Variants in PRR14L observed in about 807,000 individuals in gnomAD.
PRR14L encodes the protein proline rich 14 like.
In PRR14L, 80 loss-of-function variants were observed where a neutral mutation model predicts 155.0. The ratio of observed to expected loss-of-function variants is 0.52; its 90% confidence interval spans 0.43 to 0.62. The LOEUF (loss-of-function observed/expected upper bound fraction) is 0.62, where lower values mean the gene tolerates loss of function less well. Among genes scored for constraint, PRR14L ranks in the 20% least tolerant of loss-of-function variants. The pLI is 0.00. For synonymous variants in PRR14L, 883 were observed against 916.0 expected (o/e 0.96, Z 0.65); for missense variants, 2,469 against 2,548.0 (o/e 0.97, Z 0.67).
rs1401405519 is a variant in PRR14L at position 31,685,488 on chromosome 22, A to C, written c.*39T>G. On this transcript the variant is annotated 3_prime_UTR_variant, in exon 9 of 9. Transcript: ENST00000327423. ...AAAACCCAAAAACAAAACAAAACAA[A>C]AAAACCCTAAAATTGAGACCCTCAA... 6.8e-7 allele frequency: 1 copy of C among 1,481,472 alleles called. No homozygotes were observed. The highest frequency in any genetic ancestry group is 2.7e-5 in the Admixed American group (1 of 36,520). The allele number at this position is 1,481,472 out of a possible 1,614,324, so 91.8% of individuals were successfully genotyped here.
At chr22:31,711,459 G>A (rs2074621631) in intron 4 of PRR14L, among the ~76,000 whole-genome samples, 1 of 151,860 alleles carries the variant, frequency 6.6e-6, no homozygotes, top group South Asian at 2.1e-4. Flanking sequence ...TGACAAGAAT[G>A]AGACTGTTTC....
intron 1 of PRR14L, among the ~76,000 whole-genome samples, chr22:31,742,541 A>G (rs1168098841): frequency 6.6e-6 from 1 of 151,896 alleles, no homozygotes. Context: ...TAATTTTTGT[A>G]TTTTTAGTAG....
intron 3 of PRR14L, 122 bp downstream of exon 3, chr22:31,725,416 G>A: frequency 1.5e-6 from 1 of 676,682 alleles, no homozygotes; most frequent in Non-Finnish European, 2.6e-6. Context: ...AGTTTCTATA[G>A]TTAAGTACAC....
chr22:31,683,155 G>A lies in PRR14L; in HGVS notation c.*2372C>T, dbSNP rs917468679. 1.3e-5 allele frequency: 2 copies of A among 152,308 alleles called. No individual in the cohort carries two copies. Among genetic ancestry groups the A allele is most frequent in the African/African-American group, 4.8e-5 (2 of 41,456 alleles). The allele number at this position is 152,308 out of a possible 1,614,324, so 9.4% of individuals were successfully genotyped here. ...AAGGAGCCCAGCTCTGTTTCTTCCAGTCCTCTGCTCCCAGTTACCCATGTT... is the reference window on the plus strand; with the variant it reads ...AAGGAGCCCAGCTCTGTTTCTTCCAATCCTCTGCTCCCAGTTACCCATGTT... On this transcript the variant is annotated 3_prime_UTR_variant, in exon 9 of 9. Transcript: ENST00000327423.
At position 31,716,097 on chromosome 22, in the gene PRR14L, A is replaced by G; in HGVS notation, c.1742T>C (p.Ile581Thr). The change falls in exon 4 of 9, where the codon ATA becomes ACA. Residue 581 changes from isoleucine to threonine, a missense_variant. By Grantham distance (89) the Ile-to-Thr change is moderately conservative. This residue lies in a region of PRR14L where 2,363 missense variants were observed against 2,371.6 expected (regional missense o/e 1.00). Coordinates refer to ENST00000327423, the MANE Select transcript of PRR14L (RefSeq NM_173566.3). ...SIVSLMPEDQ[I>T]SPVSEVLKPK... Reference sequence around the variant, plus strand: ...TTTTAATACCTCACTTACAGGACTTATTTGATCCTCTGGCATTAAACTCAC... The same window carrying G: ...TTTTAATACCTCACTTACAGGACTTGTTTGATCCTCTGGCATTAAACTCAC... 1 of 1,551,174 alleles carries G rather than the reference A, an allele frequency of 6.4e-7. No individual in the cohort carries two copies. The highest frequency in any genetic ancestry group is 8.7e-7 in the Non-Finnish European group (1 of 1,146,900).
chr22:31,745,106 T>G (rs978353022), intron 1 of PRR14L, among the ~76,000 whole-genome samples: 26 of 152,154 alleles, frequency 1.7e-4, no homozygotes, highest in Non-Finnish European at 3.1e-4. Context: ...GGCCGGGTGC[T>G]TTGGCTCACG....
chr22:31,749,684 T>C lies in PRR14L; in HGVS notation c.-52+309A>G, dbSNP rs916938496. On this transcript the variant is annotated intron_variant, in intron 1 of 8. Transcript: ENST00000327423. ...GCTAAGAAAGAGCGTACGCCTCCGA[T>C]AAGGGGCGTCGTCCTCTCCGAGGAG... Among the ~76,000 whole-genome samples, 4 of 152,182 alleles carry C rather than the reference T, an allele frequency of 2.6e-5. 1 individual carries two copies. The highest frequency in any genetic ancestry group is 5.9e-5 in the Non-Finnish European group (4 of 68,026).
chr22:31,742,127 C>A (rs1010884106), intron 1 of PRR14L, among the ~76,000 whole-genome samples: 1 of 152,136 alleles, frequency 6.6e-6, no homozygotes, highest in African/African-American at 2.4e-5. Context: ...CAGTTTTCAC[C>A]TGTCACAGCA....
intron 3 of PRR14L, among the ~76,000 whole-genome samples, chr22:31,725,163 G>A (rs985290952): frequency 6.6e-6 from 1 of 152,196 alleles, no homozygotes; most frequent in Non-Finnish European, 1.5e-5. Flanking sequence ...GTGGGGCAGA[G>A]GCAGGAGGAT....
At chr22:31,737,052 A>C (rs2147875320) in intron 2 of PRR14L, among the ~76,000 whole-genome samples, 1 of 151,050 alleles carries the variant, frequency 6.6e-6, no homozygotes, top group East Asian at 1.9e-4. Flanking sequence ...AAAAAAAAAA[A>C]AAAAAGGAGA....
Position 31,714,180 on chromosome 22 carries a change from T to A in PRR14L, c.3659A>T (p.Glu1220Val). 1 of 1,551,632 alleles carries A rather than the reference T, an allele frequency of 6.4e-7. No individual in the cohort carries two copies. Among genetic ancestry groups the A allele is most frequent in the Non-Finnish European group, 8.7e-7 (1 of 1,146,958 alleles). The change falls in exon 4 of 9, where the codon GAG becomes GTG. Residue 1220 changes from glutamate (E) to valine (V), a missense_variant. By Grantham distance (121) the Glu-to-Val change is moderately radical. Coordinates refer to ENST00000327423, the MANE Select transcript of PRR14L (RefSeq NM_173566.3). ...KESTFGISSK[E>V]SMSCHDESSV... ...GCTTTCATCATGGCAAGACATCGAC[T>A]CTTTTGAGGAAATTCCAAAGGTACT...
At chr22:31,729,522 A>G (rs1446831182) in intron 2 of PRR14L, among the ~76,000 whole-genome samples, 1 of 152,182 alleles carries the variant, frequency 6.6e-6, no homozygotes, top group Non-Finnish European at 1.5e-5. Flanking sequence ...CGGCCTAGTT[A>G]CAAGTTTTAA....
chr22:31,704,431 CTTT>C (rs536307233), intron 5 of PRR14L: 3 of 334,180 alleles, frequency 9.0e-6, no homozygotes, highest in Non-Finnish European at 1.7e-5. Flanking sequence ...GTGATTTTCA[CTTT>C]TTTTTTTTTA....
chr22:31,736,139 A>G (rs888281949), intron 2 of PRR14L, among the ~76,000 whole-genome samples: 5 of 151,380 alleles, frequency 3.3e-5, no homozygotes, highest in African/African-American at 1.2e-4. Context: ...GAATGGCGTG[A>G]ACCTGGGAGG....
intron 3 of PRR14L, among the ~76,000 whole-genome samples, chr22:31,723,300 A>G (rs1443077036): frequency 6.6e-6 from 1 of 152,248 alleles, no homozygotes; most frequent in Admixed American, 6.5e-5. Flanking sequence ...AGAGTAATTT[A>G]GCTGCAGATA....
In PRR14L at chr22:31,712,477, T is replaced by C. The variant is rs1458787020; in HGVS notation, c.5362A>G (p.Thr1788Ala). The change falls in exon 4 of 9, where the codon ACC (threonine) becomes GCC (alanine). Residue 1788 changes from threonine (T) to alanine (A), a missense_variant. This residue lies in a region of PRR14L where 2,363 missense variants were observed against 2,371.6 expected (regional missense o/e 1.00). Transcript: ENST00000327423. ...GGCTGGGGAGGAGCCTGAGTGTGGG[T>C]CTGACTATGGACGCCAGTGTCTTCC... Reference protein sequence around the residue: ...FREDTGVHSQTHTQAPPQPPA... With the variant: ...FREDTGVHSQAHTQAPPQPPA... 1 of 1,552,854 alleles carries C rather than the reference T, an allele frequency of 6.4e-7. No individual in the cohort carries two copies. Among genetic ancestry groups the C allele is most frequent in the Admixed American group, 2.0e-5 (1 of 51,042 alleles).
intron 4 of PRR14L, among the ~76,000 whole-genome samples, chr22:31,708,063 C>T (rs8138463): frequency 6.6e-6 from 1 of 151,850 alleles, no homozygotes; most frequent in African/African-American, 2.4e-5. Flanking sequence ...GTGGGAGAAT[C>T]GCTTGAACCT....
intron 3 of PRR14L, among the ~76,000 whole-genome samples, chr22:31,718,830 T>C (rs952157393): frequency 8.2e-6 from 1 of 121,234 alleles, no homozygotes; most frequent in African/African-American, 3.7e-5. Context: ...TCCCAGCATT[T>C]TGGGAGGCCG....
Position 31,715,304 on chromosome 22 carries a change from G to T in PRR14L, c.2535C>A (p.Ser845Arg). The change falls in exon 4 of 9, where the codon AGC becomes AGA. Residue 845 changes from serine to arginine, a missense_variant. By Grantham distance (110) the Ser-to-Arg change is moderately radical. Coordinates refer to ENST00000327423, the MANE Select transcript of PRR14L (RefSeq NM_173566.3). The part of the protein sequence containing the change: ...CQGTGHSVEK[S>R]SCKVSYTSQE... ...GTGATGTGTAACTCACTTTACAGCTGCTTTTTTCCACAGAGTGTCCTGTTC... is the reference window on the plus strand; with the variant it reads ...GTGATGTGTAACTCACTTTACAGCTTCTTTTTTCCACAGAGTGTCCTGTTC... The T allele has an allele frequency of 1.9e-6, 3 of 1,552,082 alleles. No homozygotes were observed. The highest frequency in any genetic ancestry group is 2.6e-6 in the Non-Finnish European group (3 of 1,147,078).
Sources: gnomAD v4.1 joint callset for allele counts (sites outside exome capture counted in the v4.1 genomes callset) on GRCh38, gnomAD v4.1.1 for gene constraint, gnomAD v4.1.1 regional missense constraint, MANE v1.5 for transcripts, NCBI Gene and HGNC (gene_info 2026-07-23, HGNC 2026-07-21) for gene names.